The following SHISAL1 variants were observed in gnomAD, a reference collection of about 807,000 sequenced individuals.
SHISAL1 encodes shisa like 1.
SHISAL1 carries 9 observed loss-of-function variants against 22.6 expected under a neutral mutation model. That is an observed-to-expected ratio of 0.40 (90% CI 0.24 to 0.70). The LOEUF (loss-of-function observed/expected upper bound fraction) is 0.70. SHISAL1 is among the 30% of genes least tolerant of loss of function. SHISAL1 has a pLI of 0.39. For synonymous variants in SHISAL1, 119 were observed against 115.4 expected (o/e 1.03, Z -0.20); for missense variants, 246 against 270.6 (o/e 0.91, Z 0.64).
At chr22:44,288,346 T>C (rs1601794973) in intron 3 of SHISAL1, among the ~76,000 whole-genome samples, 1 of 152,170 alleles carries the variant, frequency 6.6e-6, no homozygotes, top group African/African-American at 2.4e-5. Flanking sequence ...GTAGAAAAGC[T>C]GCTCCAGGGG....
chr22:44,255,480 C>A (rs1183189460), intron 4 of SHISAL1, among the ~76,000 whole-genome samples: 1 of 152,200 alleles, frequency 6.6e-6, no homozygotes, highest in Non-Finnish European at 1.5e-5. Flanking sequence ...GACCCCTCTT[C>A]TTCCTTTCAT....
chr22:44,264,266 C>A (rs180844106), intron 4 of SHISAL1, among the ~76,000 whole-genome samples: 1 of 152,130 alleles, frequency 6.6e-6, no homozygotes, highest in African/African-American at 2.4e-5. Context: ...TTTACAGTTG[C>A]GTAAAGTGAG....
intron 4 of SHISAL1, among the ~76,000 whole-genome samples, chr22:44,278,110 C>T (rs938483211): frequency 5.9e-5 from 9 of 152,160 alleles, no homozygotes; most frequent in African/African-American, 2.2e-4. Context: ...GGAAGGCAAA[C>T]CCACCTTCAT....
chr22:44,331,711 C>T, the SHISAL1 span, among the ~76,000 whole-genome samples: 1 of 147,410 alleles, frequency 6.8e-6, no homozygotes, highest in Admixed American at 6.7e-5. This position sits in a 1 kb window ranked among gnomAD's most constrained non-coding sequence, Gnocchi z 5.2. Flanking sequence ...GGGCGCGGCG[C>T]GGAGCTGGGG....
chr22:44,287,898 G>T (rs1013893745), intron 3 of SHISAL1, among the ~76,000 whole-genome samples: 1 of 152,132 alleles, frequency 6.6e-6, no homozygotes, highest in Non-Finnish European at 1.5e-5. Context: ...GTTTTTCTTC[G>T]GTGGTTCCCA....
At chr22:44,296,937 G>T in intron 2 of SHISAL1, 52 bp from the exon 3 acceptor site, 2 of 1,454,220 alleles carry the variant, frequency 1.4e-6, no homozygotes, top group Non-Finnish European at 9.6e-7. Context: ...GTCCACGGGT[G>T]CCAAGAGGCA....
upstream of SHISAL1, among the ~76,000 whole-genome samples, chr22:44,317,532 T>C (rs967768770): frequency 4.6e-5 from 7 of 152,194 alleles, no homozygotes; most frequent in Non-Finnish European, 7.4e-5. Flanking sequence ...TCTGCCTCCA[T>C]GCCTGTGGCC....
At chr22:44,290,744 C>T (rs138581056) in intron 3 of SHISAL1, among the ~76,000 whole-genome samples, 53 of 152,200 alleles carry the variant, frequency 3.5e-4, no homozygotes, top group Non-Finnish European at 1.0e-4. Context: ...ACCTAGACCT[C>T]CTACTTCATG....
chr22:44,303,174 G>A (rs1472959925), intron 1 of SHISAL1, among the ~76,000 whole-genome samples: 1 of 152,052 alleles, frequency 6.6e-6, no homozygotes. Context: ...GATTTGCTGA[G>A]CATCTACTAT....
intron 4 of SHISAL1, among the ~76,000 whole-genome samples, chr22:44,259,428 ACT>A (rs1386844389): frequency 4.6e-5 from 7 of 151,402 alleles, no homozygotes; most frequent in African/African-American, 1.5e-4. Context: ...ACAGTGCAAG[ACT>A]CTGTCTAAAA....
chr22:44,260,701 C>G (rs135437), intron 4 of SHISAL1, among the ~76,000 whole-genome samples: 3 of 152,108 alleles, frequency 2.0e-5, no homozygotes, highest in Non-Finnish European at 4.4e-5. Flanking sequence ...CTTCTTGGCC[C>G]GTGGTGGCCC....
chr22:44,306,905 G>A (rs1463703804), intron 1 of SHISAL1, among the ~76,000 whole-genome samples: 1 of 149,270 alleles, frequency 6.7e-6, no homozygotes, highest in Non-Finnish European at 1.5e-5. Flanking sequence ...TGATGATGGC[G>A]TGTGTGGAAG....
At chr22:44,289,365 G>A (rs568056115) in intron 3 of SHISAL1, among the ~76,000 whole-genome samples, 11 of 152,316 alleles carry the variant, frequency 7.2e-5, no homozygotes, top group South Asian at 4.1e-4. Flanking sequence ...CTGTACCTGC[G>A]TGGTGTGCCT....
chr22:44,285,898 G>A (rs963566494), intron 3 of SHISAL1, among the ~76,000 whole-genome samples, 153 bp from the exon 4 acceptor site: 3 of 152,160 alleles, frequency 2.0e-5, no homozygotes, highest in Admixed American at 6.5e-5. Context: ...CGGGGCCTTG[G>A]CTCCCTCTCC....
At position 44,247,029 on chromosome 22, in the gene SHISAL1, GGAATGTCCTCCTAGAA is replaced by G. The variant is rs1231327845; in HGVS notation, c.*2640_*2655del. 2 of 152,424 alleles carry G rather than the reference GGAATGTCCTCCTAGAA, an allele frequency of 1.3e-5. No individual in the cohort carries two copies. The highest frequency in any genetic ancestry group is 4.8e-5 in the African/African-American group (2 of 41,444). 9.4% of individuals were successfully genotyped at this position (152,424 alleles called of 1,614,324 possible). On this transcript the variant is annotated 3_prime_UTR_variant, in exon 5 of 5. Transcript: ENST00000381176. ...CTTGCGGGGAGGGGGGCAGGCAGGA[GGAATGTCCTCCTAGAA>G]GGTTGTACATCTCAAGGGATGCTTA... is the stretch of plus-strand genomic sequence containing the variant.
In SHISAL1 at chr22:44,244,866, T is replaced by C. The variant is rs973720173; in HGVS notation, c.*4819A>G. 1.3e-5 allele frequency: 2 copies of C among 152,182 alleles called. No homozygotes were observed. Among genetic ancestry groups the C allele is most frequent in the African/African-American group, 4.8e-5 (2 of 41,430 alleles). 9.4% of individuals were successfully genotyped at this position (152,182 alleles called of 1,614,324 possible). A position where few individuals can be genotyped will look rare whatever the true frequency, so the allele number is the denominator to read the frequency against. On this transcript the variant is annotated 3_prime_UTR_variant, in exon 5 of 5. Coordinates refer to ENST00000381176, the MANE Select transcript of SHISAL1 (RefSeq NM_001099294.2). ...TTGCCTGACTGCTTAACTTTAACAT[T>C]TGAGCTTTTCGGGCCACAACCACCA...
Position 44,310,605 on chromosome 22 carries a change from G to A in SHISAL1, c.-33+2146C>T, listed in dbSNP as rs117582094. On this transcript the variant is annotated intron_variant, in intron 1 of 4. Transcript: ENST00000381176. This position sits in a 1 kb window ranked among gnomAD's most constrained non-coding sequence, Gnocchi z 4.0. ...GGACCAGAAGCTAGCAGGGCACCCA[G>A]AACATTAGCAGCTGATCCATAAACC... Among the ~76,000 whole-genome samples, 93 of 152,300 alleles carry A rather than the reference G, an allele frequency of 6.1e-4. No homozygotes were observed. In the East Asian group the frequency reaches 0.017, roughly 27 times the overall value.
chr22:44,309,046 G>A (rs1016004861), intron 1 of SHISAL1, among the ~76,000 whole-genome samples: 5 of 152,168 alleles, frequency 3.3e-5, no homozygotes, highest in Non-Finnish European at 2.9e-5. Context: ...TTTCCCCACC[G>A]TGTACGTCCA....
chr22:44,322,728 G>T, the SHISAL1 span, among the ~76,000 whole-genome samples: 1 of 152,120 alleles, frequency 6.6e-6, no homozygotes, highest in East Asian at 1.9e-4. Context: ...AGGAGCCTGG[G>T]CCCCCAGACT....
Sources: gnomAD v4.1 joint callset for allele counts (sites outside exome capture counted in the v4.1 genomes callset) on GRCh38, gnomAD v4.1.1 for gene constraint, Gnocchi (gnomAD v3.1) non-coding constraint, MANE v1.5 for transcripts, NCBI Gene and HGNC (gene_info 2026-07-23, HGNC 2026-07-21) for gene names.